The following USP16 variants were observed in gnomAD, a reference collection of about 807,000 sequenced individuals.
USP16 encodes ubiquitin specific peptidase 16, also known as ubiquitin carboxyl-terminal hydrolase 16.
A neutral mutation model predicts 95.9 loss-of-function variants in USP16; 77 were observed. That is an observed-to-expected ratio of 0.80 (90% CI 0.67 to 0.97). The LOEUF is 0.97. USP16 is among the 50% of genes least tolerant of loss of function. The pLI, the probability that USP16 is intolerant of heterozygous loss-of-function variation, is 0.00. For missense variants in USP16, 943 were observed against 959.9 expected, an observed-to-expected ratio of 0.98 and a Z score of 0.23; for synonymous variants, 303 against 318.2, an observed-to-expected ratio of 0.95 and a Z score of 0.51.
At chr21:29,037,540 T>A (rs2085177290) in intron 6 of USP16, 77 bp downstream of exon 6, 2 of 1,263,752 alleles carry the variant, frequency 1.6e-6, no homozygotes, top group Admixed American at 6.1e-5. Context: ...ATTGAGTTTT[T>A]TCCACCTGAG....
rs780220734 is a variant in USP16 at position 29,047,160 on chromosome 21, T to A, written c.1850T>A (p.Phe617Tyr). The stretch of plus-strand genomic sequence containing the variant: ...GTAAATGAAGATCCAGAAACTGCTT[T>A]CTGTACTCTTGCAAACAGGGAAGTT... ...EVVNEDPETA[F>Y]CTLANREVFN... The change falls in exon 14 of 18, where the codon TTC becomes TAC. Residue 617 changes from phenylalanine (F) to tyrosine (Y), a missense_variant. Phe to Tyr is a conservative substitution (Grantham distance 22). Coordinates refer to ENST00000399976, the MANE Select transcript of USP16 (RefSeq NM_006447.3). 5.8e-5 allele frequency: 94 copies of A among 1,614,062 alleles called. No homozygotes were observed. Among genetic ancestry groups the A allele is most frequent in the Non-Finnish European group, 7.9e-5 (93 of 1,180,030 alleles).
chr21:29,029,558 G>T (rs1266351822), intron 2 of USP16, among the ~76,000 whole-genome samples: 1 of 152,130 alleles, frequency 6.6e-6, no homozygotes, highest in Non-Finnish European at 1.5e-5. Flanking sequence ...AGCTAATTAT[G>T]CCACTTGACT....
chr21:29,038,329 T>A lies in USP16; in HGVS notation c.637-6T>A. 1 of 1,595,044 alleles carries A rather than the reference T, an allele frequency of 6.3e-7. No individual in the cohort carries two copies. The highest frequency in any genetic ancestry group is 8.6e-7 in the Non-Finnish European group (1 of 1,165,334). On this transcript the variant is annotated splice_polypyrimidine_tract_variant and splice_region_variant and intron_variant, in intron 6 of 17. Coordinates refer to ENST00000399976, the MANE Select transcript of USP16 (RefSeq NM_006447.3). ...TTTTCTCTTTTTTTTTCACCCTACATTCTAGAACTTGTCACAAACACCAGT... is the reference window on the plus strand; with the variant it reads ...TTTTCTCTTTTTTTTTCACCCTACAATCTAGAACTTGTCACAAACACCAGT...
At chr21:29,025,792 T>C (rs1401660357) in intron 1 of USP16, 2 of 933,586 alleles carry the variant, frequency 2.1e-6, no homozygotes, top group Non-Finnish European at 2.6e-6. Context: ...ATTTTTCTAT[T>C]TCAATGCAAG....
In USP16 at chr21:29,047,046, T is replaced by G. The variant is rs1271817971; in HGVS notation, c.1736T>G (p.Leu579Arg). 1 of 1,613,978 alleles carries G rather than the reference T, an allele frequency of 6.2e-7. No individual in the cohort carries two copies. Among genetic ancestry groups the G allele is most frequent in the African/African-American group, 1.3e-5 (1 of 74,940 alleles). The change falls in exon 14 of 18, where the codon CTA becomes CGA. Residue 579 changes from leucine (L) to arginine (R), a missense_variant. Leu to Arg is a moderately radical substitution (Grantham distance 102). Transcript: ENST00000399976. ...EVDISNGFKNLNLNAALHPDE... is the reference protein window; with the variant it reads ...EVDISNGFKNRNLNAALHPDE... ...GACATTTCCAATGGTTTCAAAAACC[T>G]AAATTTGAATGCTGCTCTTCATCCT...
In USP16 at chr21:29,053,842, A is replaced by G. The variant is rs1467209123; in HGVS notation, c.2234A>G (p.Tyr745Cys). The change falls in exon 17 of 18, where the codon TAT becomes TGT. Residue 745 changes from tyrosine to cysteine, a missense_variant. Tyr to Cys is a radical substitution (Grantham distance 194). Transcript: ENST00000399976. ...AATACAAGGGTACTCTATTCCTTAT[A>G]TGGAGTTGTTGAACACAGTGGTACT... The part of the protein sequence containing the change: ...EENTRVLYSL[Y>C]GVVEHSGTMR... 2 of 1,614,034 alleles carry G rather than the reference A, an allele frequency of 1.2e-6. No homozygotes were observed. Among genetic ancestry groups the G allele is most frequent in the Admixed American group, 1.7e-5 (1 of 59,980 alleles).
chr21:29,050,733 A>G (rs533697405), intron 16 of USP16, among the ~76,000 whole-genome samples: 1 of 152,252 alleles, frequency 6.6e-6, no homozygotes, highest in Non-Finnish European at 1.5e-5. Context: ...TTATAGGGAG[A>G]GTTGAGAAAT....
chr21:29,051,723 C>T (rs553517402), intron 16 of USP16, among the ~76,000 whole-genome samples: 164 of 151,860 alleles, frequency 1.1e-3, no homozygotes, highest in Non-Finnish European at 1.7e-3. Flanking sequence ...CCCAGCTACT[C>T]GGGAGGCTGA....
Position 29,034,825 on chromosome 21 carries a change from T to C in USP16, c.241-12T>C. On this transcript the variant is annotated splice_polypyrimidine_tract_variant and intron_variant, in intron 3 of 17. Coordinates refer to ENST00000399976, the MANE Select transcript of USP16 (RefSeq NM_006447.3). ...TTTATGGCTTTGAGGTTTATGATTA[T>C]GATTTTTTTAGGGCTGTGGCAGAAA... 1 of 1,613,860 alleles carries C rather than the reference T, an allele frequency of 6.2e-7. No homozygotes were observed. Among genetic ancestry groups the C allele is most frequent in the South Asian group, 1.1e-5 (1 of 91,076 alleles).
rs560357496 is a variant in USP16, at chr21:29,041,111, G to C, written c.1030+424G>C. On this transcript the variant is annotated intron_variant, in intron 10 of 17. Transcript: ENST00000399976. ...TATACCTTTGCTGTTCCATATAGAA[G>C]CAACTAGGCACGTGTGGCGCCTGAA... Among the ~76,000 whole-genome samples, 3 of 152,252 alleles carry C rather than the reference G, an allele frequency of 2.0e-5. No homozygotes were observed. In the East Asian group the frequency reaches 5.8e-4, roughly 29 times the overall value.
intron 12 of USP16, 74 bp from the exon 13 acceptor site, chr21:29,043,349 C>T (rs1335238213): frequency 1.9e-6 from 2 of 1,059,844 alleles, no homozygotes; most frequent in African/African-American, 3.3e-5. Context: ...AAAATATTTA[C>T]ATAGTGTGGA....
chr21:29,050,046 T>C (rs1333438807), intron 15 of USP16, 46 bp from the exon 16 acceptor site: 1 of 1,566,472 alleles, frequency 6.4e-7, no homozygotes, highest in Non-Finnish European at 8.7e-7. Context: ...TTAACCTGTA[T>C]TGCTTTTCCA....
At chr21:29,046,463 T>G (rs1210160159) in intron 13 of USP16, among the ~76,000 whole-genome samples, 1 of 152,130 alleles carries the variant, frequency 6.6e-6, no homozygotes, top group Non-Finnish European at 1.5e-5. Context: ...CGTCATAATT[T>G]TTTTGATCCT....
At chr21:29,042,602 C>T (rs964531602) in intron 12 of USP16, 74 bp downstream of exon 12, 44 of 1,381,338 alleles carry the variant, frequency 3.2e-5, no homozygotes, top group Middle Eastern at 2.0e-4. Context: ...AGCCTTGTTA[C>T]TCTTTTTAAG....
intron 5 of USP16, among the ~76,000 whole-genome samples, chr21:29,036,895 G>A (rs2085165437): frequency 6.6e-6 from 1 of 152,070 alleles, no homozygotes; most frequent in Non-Finnish European, 1.5e-5. Context: ...ATTGATTTTT[G>A]ACCCACAGAA....
chr21:29,032,452 G>A (rs1480819321), intron 3 of USP16, among the ~76,000 whole-genome samples: 1 of 151,994 alleles, frequency 6.6e-6, no homozygotes, highest in East Asian at 1.9e-4. Flanking sequence ...GGCTGGTCTT[G>A]AACTCCTGGG....
rs573847983 is a variant in USP16 at position 29,036,484 on chromosome 21, T to C, written c.448+110T>C. 22 of 1,012,450 alleles carry C rather than the reference T, an allele frequency of 2.2e-5. No homozygotes were observed. The African/African-American group carries it at 2.8e-4, about 13-fold the overall frequency. The allele number at this position is 1,012,450 out of a possible 1,614,324, so 62.7% of individuals were successfully genotyped here. On this transcript the variant is annotated intron_variant, in intron 5 of 17. Transcript: ENST00000399976. ...ACATACAGCTGAGTAACATTAGTTA[T>C]GGTTGATTGCAAACTATGAAACTAT...
intron 1 of USP16, among the ~76,000 whole-genome samples, chr21:29,025,495 T>A (rs918656310): frequency 2.6e-5 from 4 of 152,212 alleles, no homozygotes; most frequent in Non-Finnish European, 4.4e-5. Flanking sequence ...TCATGACTCA[T>A]TAGTTGCCTT....
intron 3 of USP16, among the ~76,000 whole-genome samples, chr21:29,032,993 T>C (rs2085099634): frequency 6.6e-6 from 1 of 152,222 alleles, no homozygotes; most frequent in Non-Finnish European, 1.5e-5. Context: ...TATACTGATA[T>C]CTCATTGTGG....
Sources: gnomAD v4.1 joint callset for allele counts (sites outside exome capture counted in the v4.1 genomes callset) on GRCh38, gnomAD v4.1.1 for gene constraint, MANE v1.5 for transcripts, NCBI Gene and HGNC (gene_info 2026-07-23, HGNC 2026-07-21) for gene names.